Variants in CSMD1 observed in about 807,000 individuals in gnomAD.
CSMD1 encodes CUB and sushi domain-containing protein 1.
Under a neutral mutation model 417.5 loss-of-function variants are expected in CSMD1, and 213 were observed. That is an observed-to-expected ratio of 0.51 (90% CI 0.46 to 0.57). CSMD1 has a LOEUF of 0.57. CSMD1 is among the 20% of genes least tolerant of loss of function. CSMD1 has a pLI of 0.00. For missense variants in CSMD1, 6,923 were observed against 4,529.7 expected (o/e 1.53, Z -15.17); for synonymous variants, 2,862 against 1,736.8 (o/e 1.65, Z -16.11).
chr8:4,396,600 C>G (rs771115261), intron 3 of CSMD1, among the ~76,000 whole-genome samples: 1 of 151,004 alleles, frequency 6.6e-6, no homozygotes, highest in East Asian at 2.0e-4. Flanking sequence ...GCAATGAGTG[C>G]ATAAGGAAAA....
chr8:3,763,165 A>G (rs1325363445), intron 5 of CSMD1, among the ~76,000 whole-genome samples: 4 of 152,188 alleles, frequency 2.6e-5, no homozygotes, highest in Non-Finnish European at 4.4e-5. Context: ...CTCTTCACCC[A>G]CACTCCCAGA....
chr8:3,107,934 A>G (rs994045463), intron 44 of CSMD1, 136 bp from the exon 45 acceptor site: 4 of 566,896 alleles, frequency 7.1e-6, no homozygotes, highest in Non-Finnish European at 1.2e-5. Flanking sequence ...CCTGAATCAT[A>G]GCTTTATAAA....
chr8:4,489,528 T>C (rs571053860), intron 2 of CSMD1, among the ~76,000 whole-genome samples: 1 of 152,184 alleles, frequency 6.6e-6, no homozygotes, highest in African/African-American at 2.4e-5. Flanking sequence ...AGAATTACTC[T>C]CAATGATTGT....
At chr8:3,514,632 A>G (rs1797212687) in intron 10 of CSMD1, among the ~76,000 whole-genome samples, 1 of 152,210 alleles carries the variant, frequency 6.6e-6, no homozygotes, top group African/African-American at 2.4e-5. Context: ...TTTCAGTGCT[A>G]GTCATATATA....
intron 3 of CSMD1, among the ~76,000 whole-genome samples, chr8:4,419,522 C>T (rs911963254): frequency 6.6e-6 from 1 of 152,136 alleles, no homozygotes; most frequent in African/African-American, 2.4e-5. Flanking sequence ...AATTTTCTCT[C>T]TTAAAAATTT....
intron 5 of CSMD1, among the ~76,000 whole-genome samples, chr8:3,850,503 T>G (rs1435563140): frequency 1.3e-5 from 2 of 152,136 alleles, no homozygotes; most frequent in African/African-American, 4.8e-5. Context: ...AAGACCGGCT[T>G]GGCCAACATG....
At chr8:4,096,240 C>T (rs1425503874) in intron 3 of CSMD1, among the ~76,000 whole-genome samples, 5 of 152,072 alleles carry the variant, frequency 3.3e-5, no homozygotes, top group South Asian at 4.2e-4. Flanking sequence ...AAAAAGCAAC[C>T]GACTTTCCCT....
intron 1 of CSMD1, among the ~76,000 whole-genome samples, chr8:4,964,501 C>CAAA (rs768264857): frequency 0.11 from 8,571 of 79,442 alleles, 1,211 homozygotes; most frequent in African/African-American, 0.13. Context: ...GACCCTGTCT[C>CAAA]CAAAAAAAAA....
chr8:4,143,209 C>G (rs570640417), intron 3 of CSMD1, among the ~76,000 whole-genome samples: 119 of 151,292 alleles, frequency 7.9e-4, no homozygotes, highest in Non-Finnish European at 1.4e-3. Flanking sequence ...TCCCTGTCCA[C>G]AGAACGGTGT....
intron 2 of CSMD1, among the ~76,000 whole-genome samples, chr8:4,440,223 C>T (rs556924987): frequency 1.3e-3 from 203 of 152,246 alleles, no homozygotes; most frequent in African/African-American, 4.4e-3. Flanking sequence ...ATATGCCCTA[C>T]CTATATGTGC....
chr8:4,284,832 A>G (rs1054866410), intron 3 of CSMD1, among the ~76,000 whole-genome samples: 1 of 152,150 alleles, frequency 6.6e-6, no homozygotes, highest in African/African-American at 2.4e-5. Context: ...GTGTTCAAAA[A>G]CAAAACAAAA....
intron 3 of CSMD1, among the ~76,000 whole-genome samples, chr8:4,075,189 C>T (rs1401314966): frequency 6.6e-6 from 1 of 152,088 alleles, no homozygotes; most frequent in Non-Finnish European, 1.5e-5. Context: ...CCTTGTAGCA[C>T]ATTTAAAATG....
chr8:3,989,065 C>A (rs1024197754), intron 5 of CSMD1, among the ~76,000 whole-genome samples: 7 of 152,178 alleles, frequency 4.6e-5, no homozygotes, highest in East Asian at 3.9e-4. Context: ...GGGCAGAAAT[C>A]TGAACTCTCT....
At chr8:3,197,106 A>T (rs1366227680) in intron 33 of CSMD1, among the ~76,000 whole-genome samples, 1 of 152,220 alleles carries the variant, frequency 6.6e-6, no homozygotes, top group Admixed American at 6.5e-5. Context: ...GAGCCTCTAG[A>T]CTTACATTGC....
rs114245308 is a variant in CSMD1, at chr8:3,539,211, C to T, written c.1344+35734G>A. Among the ~76,000 whole-genome samples, 420 of 152,196 alleles carry T rather than the reference C, an allele frequency of 2.8e-3. 1 individual carries two copies. Among genetic ancestry groups the T allele is most frequent in the African/African-American group, 9.6e-3 (398 of 41,528 alleles). On this transcript the variant is annotated intron_variant, in intron 10 of 69. Coordinates refer to ENST00000635120, the MANE Select transcript of CSMD1 (RefSeq NM_033225.6). The stretch of plus-strand genomic sequence containing the variant: ...TGTAATTTAGGTCTGGAAGGATGTT[C>T]GCAAGGCTGCCTCATGTGTATCATT...
chr8:3,430,673 G>A (rs950999412), intron 12 of CSMD1, among the ~76,000 whole-genome samples: 3 of 152,108 alleles, frequency 2.0e-5, no homozygotes, highest in East Asian at 1.9e-4. Flanking sequence ...CAGGTGTGAT[G>A]GCAGGTGCCT....
At chr8:3,038,382 T>G (rs899297847) in intron 50 of CSMD1, among the ~76,000 whole-genome samples, 1 of 152,254 alleles carries the variant, frequency 6.6e-6, no homozygotes, top group South Asian at 2.1e-4. Context: ...ATAGTATGAC[T>G]GATCCAAGCA....
intron 4 of CSMD1, among the ~76,000 whole-genome samples, chr8:4,015,854 G>A (rs186156357): frequency 1.3e-3 from 191 of 152,204 alleles, no homozygotes; most frequent in African/African-American, 4.5e-3. Context: ...TGGTTCGTAT[G>A]CTGCCGTTTT....
chr8:3,523,746 T>TACACATGCACAC (rs1165805539), intron 10 of CSMD1, among the ~76,000 whole-genome samples: 1 of 137,538 alleles, frequency 7.3e-6, no homozygotes, highest in African/African-American at 2.9e-5. Context: ...GACACATGCA[T>TACACATGCACAC]ACACATGCAC....
Sources: allele counts gnomAD v4.1 joint callset (sites outside exome capture counted in the v4.1 genomes callset), GRCh38; gene constraint gnomAD v4.1.1; transcripts MANE v1.5; gene names NCBI Gene and HGNC (gene_info 2026-07-23, HGNC 2026-07-21).